The following PTPRN2 variants were observed in gnomAD, a reference collection of about 807,000 sequenced individuals.
PTPRN2 encodes protein tyrosine phosphatase receptor type N2.
PTPRN2 carries 74 observed loss-of-function variants against 118.8 expected under a neutral mutation model. That is an observed-to-expected ratio of 0.62 (90% confidence interval 0.52 to 0.76). The LOEUF is 0.76. Among genes scored for constraint, PTPRN2 ranks in the 30% least tolerant of loss-of-function variants. The probability of loss-of-function intolerance (pLI) is 0.00; values close to 1 mark genes in which losing one functional copy is unlikely to be tolerated. For synonymous variants in PTPRN2, 641 were observed against 608.0 expected (o/e 1.05, Z -0.80); for missense variants, 1,481 against 1,394.4 (o/e 1.06, Z -0.99).
chr7:158,017,655 A>C, intron 11 of PTPRN2, among the ~76,000 whole-genome samples: 1 of 152,176 alleles, frequency 6.6e-6, no homozygotes, highest in Non-Finnish European at 1.5e-5. Context: ...GGCTGGGAAC[A>C]GGAGGGAATG....
chr7:157,602,166 A>G (rs1332609657), intron 16 of PTPRN2, among the ~76,000 whole-genome samples: 2 of 152,254 alleles, frequency 1.3e-5, no homozygotes, highest in African/African-American at 4.8e-5. Context: ...CTTCTTAAGA[A>G]TGAACACATA....
At chr7:158,417,139 C>A (rs1814736098) in intron 2 of PTPRN2, among the ~76,000 whole-genome samples, 1 of 151,910 alleles carries the variant, frequency 6.6e-6, no homozygotes, top group African/African-American at 2.4e-5. Context: ...TCTCAGTGTC[C>A]TGGTGTAAGT....
chr7:158,325,542 G>A (rs1394541285), intron 2 of PTPRN2, among the ~76,000 whole-genome samples: 1 of 152,238 alleles, frequency 6.6e-6, no homozygotes, highest in Non-Finnish European at 1.5e-5. Context: ...AGCATATTAA[G>A]GTAAATGGTA....
chr7:158,042,224 G>A (rs1055735438), intron 11 of PTPRN2, among the ~76,000 whole-genome samples: 5 of 152,074 alleles, frequency 3.3e-5, no homozygotes, highest in South Asian at 4.1e-4. Flanking sequence ...ATTTCCAAAC[G>A]TCCAGAAAAA....
At chr7:158,431,119 T>C (rs1055790329) in intron 2 of PTPRN2, among the ~76,000 whole-genome samples, 4 of 152,204 alleles carry the variant, frequency 2.6e-5, no homozygotes, top group African/African-American at 7.2e-5. Flanking sequence ...CAAATTCTTA[T>C]CTGAATGTTT....
intron 11 of PTPRN2, among the ~76,000 whole-genome samples, chr7:157,942,114 G>A (rs915096094): frequency 6.7e-6 from 1 of 148,184 alleles, no homozygotes; most frequent in African/African-American, 2.5e-5. Flanking sequence ...CACACACGAG[G>A]GTCCTCAGCA....
intron 3 of PTPRN2, among the ~76,000 whole-genome samples, chr7:158,288,215 T>G (rs185115801): frequency 6.6e-6 from 1 of 152,158 alleles, no homozygotes. Flanking sequence ...AGGTAGCATA[T>G]AGTTGGGTCC....
chr7:158,067,265 C>T (rs910348562), intron 11 of PTPRN2, among the ~76,000 whole-genome samples: 9 of 152,212 alleles, frequency 5.9e-5, no homozygotes, highest in Non-Finnish European at 8.8e-5. Flanking sequence ...GCAGAGGGGC[C>T]GTTTCCAATG....
chr7:158,419,705 C>T (rs999747655), intron 2 of PTPRN2, among the ~76,000 whole-genome samples: 2 of 152,186 alleles, frequency 1.3e-5, no homozygotes, highest in African/African-American at 2.4e-5. Flanking sequence ...CTCCAGCACT[C>T]GGTGTGGCCA....
intron 12 of PTPRN2, among the ~76,000 whole-genome samples, chr7:157,776,907 CCCT>C (rs1272174275): frequency 1.1e-5 from 1 of 91,672 alleles, no homozygotes; most frequent in East Asian, 3.9e-4. Context: ...CTCCTTCTCC[CCCT>C]CCTCCTCGCT....
chr7:158,322,485 G>C (rs778392959), intron 2 of PTPRN2, among the ~76,000 whole-genome samples: 4 of 151,734 alleles, frequency 2.6e-5, no homozygotes, highest in Non-Finnish European at 5.9e-5. Context: ...AGCCCCGGTG[G>C]GCGACGGGGA....
In PTPRN2 at chr7:157,828,157, C is replaced by T. The variant is rs553124591; in HGVS notation, c.1788+70516G>A. Among the ~76,000 whole-genome samples the T allele has an allele frequency of 1.9e-4, 29 of 152,358 alleles. No individual in the cohort carries two copies. The South Asian group carries it at 5.6e-3, about 29-fold the overall frequency. On this transcript the variant is annotated intron_variant, in intron 12 of 22. Coordinates refer to ENST00000389418, the MANE Select transcript of PTPRN2 (RefSeq NM_002847.5). ...GCCTCTGGGTTAAAATTCAGCATCA[C>T]GTCTTACTCAGAGGAAGATGGTGGG...
intron 9 of PTPRN2, among the ~76,000 whole-genome samples, chr7:158,119,585 G>C (rs1816986212): frequency 6.6e-6 from 1 of 151,832 alleles, no homozygotes; most frequent in Non-Finnish European, 1.5e-5. Context: ...AGGTACCTGA[G>C]GTACAGTACA....
intron 21 of PTPRN2, among the ~76,000 whole-genome samples, chr7:157,562,605 A>G (rs140576081): frequency 6.6e-6 from 1 of 152,226 alleles, no homozygotes; most frequent in Non-Finnish European, 1.5e-5. Context: ...AAGTCCGGGG[A>G]GCCACAAAAC....
At chr7:157,762,941 G>A (rs1025440256) in intron 12 of PTPRN2, among the ~76,000 whole-genome samples, 6 of 151,874 alleles carry the variant, frequency 4.0e-5, no homozygotes, top group South Asian at 2.1e-4. Context: ...TGCTGGTGCC[G>A]GAGGCTAACC....
chr7:157,645,403 G>A (rs1219380903), intron 14 of PTPRN2, among the ~76,000 whole-genome samples: 1 of 152,212 alleles, frequency 6.6e-6, no homozygotes, highest in African/African-American at 2.4e-5. Context: ...CCATGTCTAT[G>A]GCACTAGGGG....
rs60555026 is a variant in PTPRN2, at chr7:158,526,146, G to A, written c.113-36361C>T. On this transcript the variant is annotated intron_variant, in intron 1 of 22. Coordinates refer to ENST00000389418, the MANE Select transcript of PTPRN2 (RefSeq NM_002847.5). This position sits in a 1 kb window ranked among gnomAD's most constrained non-coding sequence, Gnocchi z 5.2. ...TACAGCTTCTGAAAGGGCCCGCTCT[G>A]GGGGGAGCCACATCAGGCAGACACA... is the stretch of plus-strand genomic sequence containing the variant. Among the ~76,000 whole-genome samples, 951 of 152,244 alleles carry A rather than the reference G, an allele frequency of 6.2e-3. 2 individuals are homozygous for A. The highest frequency in any genetic ancestry group is 0.01 in the Non-Finnish European group (687 of 68,012).
At chr7:157,720,896 G>A (rs142271356) in intron 12 of PTPRN2, among the ~76,000 whole-genome samples, 121 of 152,324 alleles carry the variant, frequency 7.9e-4, no homozygotes, top group African/African-American at 2.7e-3. Flanking sequence ...GGACGCAGGA[G>A]TGTTTCTTAA....
intron 1 of PTPRN2, chr7:158,541,438 G>A (rs764661063): frequency 7.4e-7 from 1 of 1,351,376 alleles, no homozygotes; most frequent in Non-Finnish European, 9.8e-7. Context: ...GCCCACATCT[G>A]CACCAGACAC....
Sources: allele counts gnomAD v4.1 joint callset (sites outside exome capture counted in the v4.1 genomes callset), GRCh38; gene constraint gnomAD v4.1.1; non-coding constraint Gnocchi (gnomAD v3.1); transcripts MANE v1.5; gene names NCBI Gene and HGNC (gene_info 2026-07-23, HGNC 2026-07-21).